Variants in ATP2B2 observed in about 807,000 individuals in gnomAD.
ATP2B2 encodes ATPase plasma membrane Ca2+ transporting 2, also known as plasma membrane calcium-transporting ATPase 2.
Under a neutral mutation model 120.0 loss-of-function variants are expected in ATP2B2, and 15 were observed. The observed-to-expected ratio is 0.12, with a 90% confidence interval of 0.08 to 0.19. The LOEUF is 0.19. Ranked by LOEUF, ATP2B2 falls within the 10% of genes least tolerant of loss-of-function variation. ATP2B2 has a pLI of 1.00. For synonymous variants in ATP2B2, 694 were observed against 700.3 expected (o/e 0.99, Z 0.14); for missense variants, 1,045 against 1,719.8 (o/e 0.61, Z 6.94).
chr3:10,454,308 G>C (rs1008334761), intron 1 of ATP2B2, among the ~76,000 whole-genome samples: 7 of 152,002 alleles, frequency 4.6e-5, no homozygotes, highest in African/African-American at 1.7e-4. Flanking sequence ...TCAGCTCCAA[G>C]TAGGGATTTT....
intron 1 of ATP2B2, among the ~76,000 whole-genome samples, chr3:10,471,470 C>G (rs142260871): frequency 4.0e-5 from 6 of 151,450 alleles, no homozygotes; most frequent in Admixed American, 3.3e-4. Context: ...AAGCCTCTTA[C>G]TGGAGGGAGT....
At chr3:10,559,393 G>A (rs1369455674) in intron 2 of ATP2B2, among the ~76,000 whole-genome samples, 4 of 152,146 alleles carry the variant, frequency 2.6e-5, no homozygotes, top group Non-Finnish European at 2.9e-5. Flanking sequence ...GATTTTGAAT[G>A]TTCCCAACAC....
intron 1 of ATP2B2, among the ~76,000 whole-genome samples, chr3:10,695,513 GCT>G (rs141832820): frequency 6.6e-6 from 1 of 151,796 alleles, no homozygotes; most frequent in Non-Finnish European, 1.5e-5. Context: ...CATGCTGCTT[GCT>G]CTCTCTCTCT....
At chr3:10,651,323 C>A (rs935860976) in intron 1 of ATP2B2, among the ~76,000 whole-genome samples, 1 of 152,084 alleles carries the variant, frequency 6.6e-6, no homozygotes, top group African/African-American at 2.4e-5. Context: ...TGGGAGGGAC[C>A]CAGTGAGAGG....
At chr3:10,483,605 C>A (rs560758926) in intron 1 of ATP2B2, among the ~76,000 whole-genome samples, 2 of 152,156 alleles carry the variant, frequency 1.3e-5, no homozygotes, top group Non-Finnish European at 2.9e-5. Flanking sequence ...GAATTCTCTG[C>A]GGGCTTAATT....
intron 1 of ATP2B2, among the ~76,000 whole-genome samples, chr3:10,486,869 G>A (rs540549146): frequency 8.6e-4 from 131 of 152,084 alleles, no homozygotes; most frequent in African/African-American, 2.9e-3. Context: ...ACAGGTGCGA[G>A]CCACCACACC....
intron 2 of ATP2B2, among the ~76,000 whole-genome samples, chr3:10,424,161 G>C (rs1400735537): frequency 1.3e-5 from 2 of 152,130 alleles, no homozygotes; most frequent in Non-Finnish European, 2.9e-5. Context: ...TTATACACGG[G>C]CCTTGCATTT....
intron 6 of ATP2B2, 87 bp from the exon 7 acceptor site, chr3:10,386,599 A>C: frequency 7.1e-7 from 1 of 1,400,396 alleles, no homozygotes. Flanking sequence ...ACAAACACAC[A>C]TGTGCATACA....
rs2071341394 is a variant in ATP2B2 at position 10,679,921 on chromosome 3, T to TA, written c.-460+27993dup. Among the ~76,000 whole-genome samples, 3 of 152,160 alleles carry TA rather than the reference T, an allele frequency of 2.0e-5. No individual in the cohort carries two copies. The South Asian group carries it at 6.2e-4, about 32-fold the overall frequency. Reference sequence around the variant, plus strand: ...GAGGGTTCAATGATATTGATATTTATAATGTTTTCTTTCTTAAGCTGGTGG... The same window carrying TA: ...GAGGGTTCAATGATATTGATATTTATAAATGTTTTCTTTCTTAAGCTGGTGG... On this transcript the variant is annotated intron_variant, in intron 1 of 21. Coordinates refer to the ATP2B2 transcript ENST00000646379.
chr3:10,384,065 A>G (rs1222408768), intron 8 of ATP2B2, among the ~76,000 whole-genome samples: 1 of 152,162 alleles, frequency 6.6e-6, no homozygotes, highest in African/African-American at 2.4e-5. Context: ...CCTGTGCCTG[A>G]AATAGAGCCA....
In ATP2B2 at chr3:10,404,351, C is replaced by T. The variant is rs190258310; in HGVS notation, c.398-2003G>A. Among the ~76,000 whole-genome samples, 13 of 152,332 alleles carry T rather than the reference C, an allele frequency of 8.5e-5. No homozygotes were observed. The East Asian group carries it at 2.5e-3, about 29-fold the overall frequency. Reference sequence around the variant, plus strand: ...GGACCAGCCTTGGAGTAATGGTAATCATAGCTGTCCTAATGGTAACCAAGT... The same window carrying T: ...GGACCAGCCTTGGAGTAATGGTAATTATAGCTGTCCTAATGGTAACCAAGT... On this transcript the variant is annotated intron_variant, in intron 3 of 22. Transcript: ENST00000360273.
chr3:10,499,766 A>T (rs1218144499), intron 1 of ATP2B2, among the ~76,000 whole-genome samples: 1 of 151,968 alleles, frequency 6.6e-6, no homozygotes, highest in Non-Finnish European at 1.5e-5. Context: ...GGGTCTTCAT[A>T]GGGCTGGCTG....
intron 1 of ATP2B2, among the ~76,000 whole-genome samples, chr3:10,647,089 G>A (rs1157749763): frequency 6.6e-6 from 1 of 152,168 alleles, no homozygotes; most frequent in Admixed American, 6.5e-5. Context: ...GGGGGTAGGG[G>A]GAATGGGGGC....
intron 2 of ATP2B2, among the ~76,000 whole-genome samples, chr3:10,438,506 T>G (rs2063549131): frequency 6.6e-6 from 1 of 152,228 alleles, no homozygotes; most frequent in Admixed American, 6.5e-5. Flanking sequence ...CTTCTTTGCC[T>G]GCTGCCTGCT....
At chr3:10,513,378 GA>G (rs2066813008) in intron 3 of ATP2B2, among the ~76,000 whole-genome samples, 1 of 152,298 alleles carries the variant, frequency 6.6e-6, no homozygotes, top group South Asian at 2.1e-4. Context: ...ATGGCTGGGG[GA>G]AAGTGTGGGC....
In ATP2B2 at chr3:10,340,203, C is replaced by T. The variant is rs758494133; in HGVS notation, c.3237+39G>A. The T allele has an allele frequency of 6.3e-7, 1 of 1,598,096 alleles. No homozygotes were observed. The highest frequency in any genetic ancestry group is 8.6e-7 in the Non-Finnish European group (1 of 1,167,452). ...TCCATCCAGTGCTGTCTCCCTTGCC[C>T]TGCTAACAGGCACCTCCTGCGACCT... On this transcript the variant is annotated intron_variant, in intron 21 of 22. Coordinates refer to ENST00000360273, the MANE Select transcript of ATP2B2 (RefSeq NM_001001331.4). This position sits in a 1 kb window ranked among gnomAD's most constrained non-coding sequence, Gnocchi z 5.0.
At chr3:10,383,486 C>G (rs1335737531) in intron 8 of ATP2B2, among the ~76,000 whole-genome samples, 1 of 152,204 alleles carries the variant, frequency 6.6e-6, no homozygotes, top group African/African-American at 2.4e-5. Context: ...TGGGGTAAAG[C>G]CCTCTTAACA....
At position 10,436,049 on chromosome 3, in the gene ATP2B2, G is replaced by A. The variant is rs542185429; in HGVS notation, c.199+13296C>T. On this transcript the variant is annotated intron_variant, in intron 2 of 22. Transcript: ENST00000360273. ...ACCTTCCTGGCCTAAGCGTGGGCAT[G>A]TGATCAAGCTAGGCCAATCACCTCC... Among the ~76,000 whole-genome samples, 11 of 152,290 alleles carry A rather than the reference G, an allele frequency of 7.2e-5. No individual in the cohort carries two copies. The South Asian group carries it at 2.3e-3, about 32-fold the overall frequency.
At chr3:10,698,993 T>C (rs563906353) in intron 1 of ATP2B2, among the ~76,000 whole-genome samples, 41 of 152,328 alleles carry the variant, frequency 2.7e-4, no homozygotes, top group Non-Finnish European at 4.9e-4. Context: ...CTACGGGCCT[T>C]GAAAACCAGC....
Sources: allele counts gnomAD v4.1 joint callset (sites outside exome capture counted in the v4.1 genomes callset), GRCh38; gene constraint gnomAD v4.1.1; non-coding constraint Gnocchi (gnomAD v3.1); transcripts MANE v1.5; gene names NCBI Gene and HGNC (gene_info 2026-07-23, HGNC 2026-07-21).